GTF2I: variants seen among roughly 807,000 people sequenced by gnomAD.
The protein encoded by GTF2I is general transcription factor II-I.
GTF2I carries 12 observed loss-of-function variants against 67.6 expected under a neutral mutation model. That is an observed-to-expected ratio of 0.18 (90% CI 0.11 to 0.29). GTF2I has a LOEUF of 0.29. Ranked by LOEUF, GTF2I falls within the 10% of genes least tolerant of loss-of-function variation. The pLI is 1.00. For synonymous variants in GTF2I, 149 were observed against 197.0 expected (o/e 0.76, Z 2.04); for missense variants, 271 against 580.1 (o/e 0.47, Z 5.47).
intron 3 of GTF2I, among the ~76,000 whole-genome samples, chr7:74,695,400 T>C (rs1190747907): frequency 6.6e-6 from 1 of 152,208 alleles, no homozygotes; most frequent in Non-Finnish European, 1.5e-5. Context: ...AATGTAACTT[T>C]TATATGCATT....
chr7:74,695,046 T>A (rs1788752088), intron 3 of GTF2I, among the ~76,000 whole-genome samples: 1 of 152,224 alleles, frequency 6.6e-6, no homozygotes, highest in Non-Finnish European at 1.5e-5. Flanking sequence ...AAAAAAAGAT[T>A]GCTTTCAAAA....
intron 8 of GTF2I, among the ~76,000 whole-genome samples, chr7:74,709,730 T>C (rs1791273781): frequency 6.6e-6 from 1 of 151,920 alleles, no homozygotes; most frequent in Admixed American, 6.6e-5. Flanking sequence ...TGGAGTGTAG[T>C]GGTACCATCT....
At chr7:74,721,185 G>T (rs915351852) in intron 12 of GTF2I, among the ~76,000 whole-genome samples, 8 of 152,288 alleles carry the variant, frequency 5.3e-5, no homozygotes, top group Admixed American at 3.9e-4. Context: ...GGGATTACAG[G>T]CATGCGCCGC....
chr7:74,732,722 A>G, intron 15 of GTF2I, 60 bp downstream of exon 15: 5 of 1,533,190 alleles, frequency 3.3e-6, no homozygotes, highest in Non-Finnish European at 3.5e-6. Flanking sequence ...CGTCTTTTTT[A>G]TTGTTGACCA....
intron 6 of GTF2I, among the ~76,000 whole-genome samples, chr7:74,703,112 T>C (rs1277147831): frequency 6.6e-6 from 1 of 152,142 alleles, no homozygotes; most frequent in African/African-American, 2.4e-5. Context: ...TTGGGTTTGT[T>C]TGTCTTTTTA....
chr7:74,739,024 C>CT (rs1278776135), intron 19 of GTF2I, among the ~76,000 whole-genome samples: 1,639 of 23,032 alleles, frequency 0.071, 17 homozygotes, highest in African/African-American at 0.098. Flanking sequence ...TCTTTCCTAT[C>CT]TTTTTTTTTT....
intron 4 of GTF2I, chr7:74,699,917 C>T (rs1554399416): frequency 4.4e-6 from 1 of 229,310 alleles, no homozygotes; most frequent in African/African-American, 2.3e-5. Context: ...TGCTGGGCTT[C>T]TGTATTCTGA....
chr7:74,682,643 A>G (rs1787366217), intron 1 of GTF2I, among the ~76,000 whole-genome samples: 2 of 152,176 alleles, frequency 1.3e-5, no homozygotes, highest in Non-Finnish European at 2.9e-5. Context: ...TAATTTTTTC[A>G]CGTAAAATAA....
chr7:74,725,234 A>G (rs1023194543), intron 12 of GTF2I, among the ~76,000 whole-genome samples: 1 of 152,184 alleles, frequency 6.6e-6, no homozygotes, highest in Admixed American at 6.5e-5. Flanking sequence ...TAATTGCAAC[A>G]AAGAGTTAAT....
At chr7:74,694,712 A>G (rs1788714760) in intron 3 of GTF2I, among the ~76,000 whole-genome samples, 1 of 152,210 alleles carries the variant, frequency 6.6e-6, no homozygotes, top group Non-Finnish European at 1.5e-5. Context: ...AGATGGCTAC[A>G]CTCACAAAAC....
chr7:74,701,777 C>T (rs1252800795), intron 6 of GTF2I, among the ~76,000 whole-genome samples: 1 of 152,052 alleles, frequency 6.6e-6, no homozygotes, highest in Non-Finnish European at 1.5e-5. Flanking sequence ...ATTCACCTGT[C>T]TTAAGTATAT....
intron 8 of GTF2I, among the ~76,000 whole-genome samples, chr7:74,708,788 C>G (rs1791120734): frequency 6.6e-6 from 1 of 152,178 alleles, no homozygotes; most frequent in Admixed American, 6.5e-5. Context: ...GTGGCCCAGG[C>G]TGTTCTCTTT....
At chr7:74,680,097 A>AAAAAAAAAAAT (rs1787104337) in intron 1 of GTF2I, among the ~76,000 whole-genome samples, 3 of 88,836 alleles carry the variant, frequency 3.4e-5, no homozygotes, top group African/African-American at 1.7e-4. Flanking sequence ...AAAAAAAAAA[A>AAAAAAAAAAAT]AAATATATAT....
At chr7:74,749,140 GA>G in intron 25 of GTF2I, 50 bp downstream of exon 25, 3 of 311,164 alleles carry the variant, frequency 9.6e-6, no homozygotes, top group South Asian at 6.4e-5. Flanking sequence ...GCCTTCATGG[GA>G]GTAGGAGGGA....
intron 6 of GTF2I, among the ~76,000 whole-genome samples, chr7:74,704,623 G>A (rs925129185): frequency 1.2e-4 from 18 of 152,148 alleles, no homozygotes; most frequent in African/African-American, 4.1e-4. Context: ...ACCAGAGTGG[G>A]AGTCTCCCTT....
At chr7:74,723,836 CTA>C (rs1258296755) in intron 12 of GTF2I, among the ~76,000 whole-genome samples, 1 of 148,468 alleles carries the variant, frequency 6.7e-6, no homozygotes, top group Non-Finnish European at 1.5e-5. Flanking sequence ...AACGTGGTGA[CTA>C]TGTTGAGAAA....
intron 10 of GTF2I, among the ~76,000 whole-genome samples, chr7:74,715,597 C>G (rs587630155): frequency 2.0e-5 from 3 of 152,130 alleles, no homozygotes; most frequent in African/African-American, 7.2e-5. Context: ...CCTCACATCT[C>G]TTTTTTCTTT....
chr7:74,669,377 C>T (rs1470703930), intron 1 of GTF2I, among the ~76,000 whole-genome samples: 1 of 151,502 alleles, frequency 6.6e-6, no homozygotes, highest in African/African-American at 2.4e-5. Flanking sequence ...TACAGGCGTG[C>T]ACCACAATGT....
At chr7:74,686,607 A>G (rs1787745809) in intron 1 of GTF2I, among the ~76,000 whole-genome samples, 1 of 152,222 alleles carries the variant, frequency 6.6e-6, no homozygotes, top group Admixed American at 6.5e-5. Flanking sequence ...TTATAGAAAC[A>G]TATATGCCTT....
Sources: gnomAD v4.1 joint callset for allele counts (sites outside exome capture counted in the v4.1 genomes callset) on GRCh38, gnomAD v4.1.1 for gene constraint, MANE v1.5 for transcripts, NCBI Gene and HGNC (gene_info 2026-07-23, HGNC 2026-07-21) for gene names.